The following SLC25A48 variants were observed in gnomAD, a reference collection of about 807,000 sequenced individuals.
SLC25A48 encodes the protein solute carrier family 25 member 48, also known as CTC-321K16.1.
In SLC25A48, 29 loss-of-function variants were observed where a neutral mutation model predicts 32.2. That is an observed-to-expected ratio of 0.90 (90% CI 0.67 to 1.23). The LOEUF is 1.23. Among genes scored for constraint, SLC25A48 ranks in the 50% most tolerant of loss-of-function variants. SLC25A48 has a pLI of 0.00. For synonymous variants in SLC25A48, 164 were observed against 172.3 expected, an observed-to-expected ratio of 0.95 and a Z score of 0.38; for missense variants, 399 against 422.7, an observed-to-expected ratio of 0.94 and a Z score of 0.49.
intron 3 of SLC25A48, among the ~76,000 whole-genome samples, chr5:135,738,495 C>G (rs1173305334): frequency 7.7e-6 from 1 of 129,172 alleles, no homozygotes; most frequent in Non-Finnish European, 1.9e-5. Flanking sequence ...ACAGGGCTAT[C>G]AGGACCCAAA....
At chr5:135,614,925 C>G (rs1017817342) in intron 1 of SLC25A48, among the ~76,000 whole-genome samples, 19 of 152,142 alleles carry the variant, frequency 1.2e-4, no homozygotes, top group Non-Finnish European at 2.6e-4. Flanking sequence ...AGCACCTCCC[C>G]CTTTTGTCTC....
chr5:135,734,833 A>G (rs1325018120), intron 3 of SLC25A48, among the ~76,000 whole-genome samples: 77 of 141,980 alleles, frequency 5.4e-4, no homozygotes, highest in African/African-American at 1.8e-3. Flanking sequence ...AAAAAAAAAA[A>G]AAAGAAGAAG....
rs1393825197 is a variant in SLC25A48, at chr5:135,886,786, G to A, written c.*8-1246G>A. On this transcript the variant is annotated intron_variant, in intron 7 of 7. Coordinates refer to ENST00000681962, the MANE Select transcript of SLC25A48 (RefSeq NM_001349336.2). Reference sequence around the variant, plus strand: ...ATGGCAGGGACCCTGCCCTCAGGGAGCTTAGTATCAGGCATTAATTTCTGT... The same window carrying A: ...ATGGCAGGGACCCTGCCCTCAGGGAACTTAGTATCAGGCATTAATTTCTGT... Among the ~76,000 whole-genome samples, 4 of 150,108 alleles carry A rather than the reference G, an allele frequency of 2.7e-5. No homozygotes were observed. The East Asian group carries it at 7.9e-4, about 30-fold the overall frequency.
At chr5:135,652,348 G>A (rs776406135) in intron 3 of SLC25A48, 10 of 455,322 alleles carry the variant, frequency 2.2e-5, no homozygotes, top group South Asian at 1.4e-4. Flanking sequence ...TCTAGAAATC[G>A]ACTTACCTTC....
intron 3 of SLC25A48, among the ~76,000 whole-genome samples, chr5:135,667,831 A>G (rs974205546): frequency 2.0e-5 from 3 of 152,224 alleles, no homozygotes; most frequent in Non-Finnish European, 4.4e-5. Context: ...TTCAAATAGT[A>G]ATGTTTTCAC....
chr5:135,659,185 T>C (rs897664494), intron 3 of SLC25A48, among the ~76,000 whole-genome samples: 4 of 152,236 alleles, frequency 2.6e-5, no homozygotes, highest in Non-Finnish European at 5.9e-5. Flanking sequence ...GTTATGAAAA[T>C]GAGTGTAGGC....
intron 3 of SLC25A48, among the ~76,000 whole-genome samples, chr5:135,712,847 C>T (rs544400973): frequency 6.6e-6 from 1 of 152,294 alleles, no homozygotes; most frequent in South Asian, 2.1e-4. Flanking sequence ...ACTCCGTTTC[C>T]CTCCAGTGCC....
At chr5:135,886,552 C>T in intron 7 of SLC25A48, among the ~76,000 whole-genome samples, 1 of 137,888 alleles carries the variant, frequency 7.3e-6, no homozygotes, top group South Asian at 2.4e-4. Flanking sequence ...GCTTGTGAGT[C>T]TTCCTCCATC....
chr5:135,832,631 T>G (rs886829477), upstream of SLC25A48, among the ~76,000 whole-genome samples: 1 of 152,250 alleles, frequency 6.6e-6, no homozygotes, highest in Non-Finnish European at 1.5e-5. Context: ...GCATCTCAGA[T>G]GGATTGTCTC....
At chr5:135,844,650 C>T (rs17169228) in intron 2 of SLC25A48, among the ~76,000 whole-genome samples, 7,712 of 152,244 alleles carry the variant, frequency 0.051, 429 homozygotes, top group African/African-American at 0.14. Flanking sequence ...GATTCAAAAT[C>T]GGTAGCTGCT....
chr5:135,763,736 G>C lies in SLC25A48; in HGVS notation c.-520-48787G>C, dbSNP rs1756121829. ...TGGAGGTGGCTCCAAGCAGTGCTTA[G>C]GAAACCGGAGAAATAGGAACACACA... is the stretch of plus-strand genomic sequence containing the variant. On this transcript the variant is annotated intron_variant, in intron 3 of 10. Transcript: ENST00000646290. Among the ~76,000 whole-genome samples the C allele has an allele frequency of 2.1e-5, 3 of 141,772 alleles. No individual in the cohort carries two copies. In the South Asian group the frequency reaches 6.9e-4, roughly 33 times the overall value. The allele number at this position is 141,772 out of a possible 152,430, so 93.0% of individuals were successfully genotyped here.
At chr5:135,611,078 G>T in intron 1 of SLC25A48, among the ~76,000 whole-genome samples, 1 of 152,196 alleles carries the variant, frequency 6.6e-6, no homozygotes, top group Non-Finnish European at 1.5e-5. Context: ...TACAATCAAT[G>T]ATTCTGAATC....
chr5:135,695,345 A>C (rs1008654950), intron 3 of SLC25A48, among the ~76,000 whole-genome samples: 9 of 152,226 alleles, frequency 5.9e-5, no homozygotes, highest in Non-Finnish European at 1.3e-4. Context: ...CTCTACAAGA[A>C]TATAAGATCT....
At chr5:135,720,763 G>C (rs1370514259) in intron 3 of SLC25A48, among the ~76,000 whole-genome samples, 1 of 152,126 alleles carries the variant, frequency 6.6e-6, no homozygotes, top group Non-Finnish European at 1.5e-5. Flanking sequence ...GGAAACCACT[G>C]AACAAAAATG....
intron 3 of SLC25A48, among the ~76,000 whole-genome samples, chr5:135,669,920 C>T (rs553279441): frequency 1.8e-4 from 28 of 152,306 alleles, no homozygotes; most frequent in Non-Finnish European, 2.9e-4. Flanking sequence ...AACTTCTTTC[C>T]AGAATTAGAG....
At chr5:135,789,988 C>A (rs1049121588) in intron 3 of SLC25A48, among the ~76,000 whole-genome samples, 4 of 151,836 alleles carry the variant, frequency 2.6e-5, no homozygotes, top group Non-Finnish European at 4.4e-5. Context: ...ATACTATGAA[C>A]AATACCACTG....
intron 3 of SLC25A48, among the ~76,000 whole-genome samples, chr5:135,686,159 C>T (rs1377344801): frequency 6.6e-6 from 1 of 152,222 alleles, no homozygotes; most frequent in Non-Finnish European, 1.5e-5. Context: ...ATCTTGGACA[C>T]ATCAGTTAAT....
At chr5:135,794,663 C>T (rs1220011452) in intron 3 of SLC25A48, among the ~76,000 whole-genome samples, 1 of 151,124 alleles carries the variant, frequency 6.6e-6, no homozygotes, top group Non-Finnish European at 1.5e-5. Context: ...TGTACAACCC[C>T]TGTGATATTG....
At position 135,834,735 on chromosome 5, in the gene SLC25A48, G is replaced by C. The variant is rs191890954; in HGVS notation, c.-113G>C. On this transcript the variant is annotated 5_prime_UTR_variant, in exon 1 of 8. Transcript: ENST00000681962. ...CTGGGTTTGGAGTAGGACCTGCGGC[G>C]TGCTCGAGACTCCGACTTCGGTCTT... is the stretch of plus-strand genomic sequence containing the variant. The C allele has an allele frequency of 1.7e-4, 199 of 1,181,746 alleles. 1 individual carries two copies. Among genetic ancestry groups the C allele is most frequent in the Admixed American group, 3.8e-4 (14 of 37,292 alleles). The allele number at this position is 1,181,746 out of a possible 1,614,324, so 73.2% of individuals were successfully genotyped here. A position where few individuals can be genotyped will look rare whatever the true frequency, so the allele number is the denominator to read the frequency against.
Sources: gnomAD v4.1 joint callset for allele counts (sites outside exome capture counted in the v4.1 genomes callset) on GRCh38, gnomAD v4.1.1 for gene constraint, MANE v1.5 for transcripts, NCBI Gene and HGNC (gene_info 2026-07-23, HGNC 2026-07-21) for gene names.